The following RHOBTB1 variants were observed in gnomAD, a reference collection of about 807,000 sequenced individuals.
RHOBTB1 encodes the protein Rho related BTB domain containing 1, also known as rho-related BTB domain-containing protein 1.
Under a neutral mutation model 71.6 loss-of-function variants are expected in RHOBTB1, and 40 were observed. The ratio of observed to expected loss-of-function variants is 0.56; its 90% confidence interval spans 0.43 to 0.73. The LOEUF is 0.73. RHOBTB1 is among the 30% of genes least tolerant of loss of function. The probability of loss-of-function intolerance (pLI) is 0.00; values close to 1 mark genes in which losing one functional copy is unlikely to be tolerated. For synonymous variants in RHOBTB1, 319 were observed against 334.9 expected, an observed-to-expected ratio of 0.95 and a Z score of 0.52; for missense variants, 797 against 894.0, an observed-to-expected ratio of 0.89 and a Z score of 1.38.
At chr10:60,955,043 C>CTTTCTTTT (rs2085539210) in intron 2 of RHOBTB1, among the ~76,000 whole-genome samples, 1 of 112,838 alleles carries the variant, frequency 8.9e-6, no homozygotes, top group Admixed American at 1.0e-4. Flanking sequence ...TTCTTTCTTT[C>CTTTCTTTT]TTTTTTTTTT....
intron 2 of RHOBTB1, among the ~76,000 whole-genome samples, chr10:60,933,021 G>T (rs907079457): frequency 6.6e-6 from 1 of 152,194 alleles, no homozygotes; most frequent in Non-Finnish European, 1.5e-5. Flanking sequence ...TCATATGCTC[G>T]TTAGGACTAG....
chr10:60,957,109 C>T (rs1451177925), intron 2 of RHOBTB1, among the ~76,000 whole-genome samples: 6 of 152,192 alleles, frequency 3.9e-5, no homozygotes, highest in Non-Finnish European at 8.8e-5. Context: ...ACAATACCTT[C>T]TTCTGGAATA....
At chr10:60,880,202 T>TGAGAGAGAGAGAGAGAGA (rs71018931) in intron 7 of RHOBTB1, among the ~76,000 whole-genome samples, 2 of 126,934 alleles carry the variant, frequency 1.6e-5, no homozygotes, top group Non-Finnish European at 1.7e-5. Context: ...TGTGTGTGTG[T>TGAGAGAGAGAGAGAGAGA]GAGAGAGAGA....
intron 4 of RHOBTB1, among the ~76,000 whole-genome samples, chr10:60,907,207 T>C (rs2082722902): frequency 6.6e-6 from 1 of 152,232 alleles, no homozygotes. Flanking sequence ...TATGTCTTTA[T>C]TACCAGTGTA....
At chr10:60,910,823 CG>C in intron 4 of RHOBTB1, 63 bp downstream of exon 4, 1 of 1,205,016 alleles carries the variant, frequency 8.3e-7, no homozygotes, top group Admixed American at 1.7e-5. Context: ...TTTGTAAACC[CG>C]CTGCTGGTTT....
chr10:60,932,897 A>G (rs1207155229), intron 2 of RHOBTB1, among the ~76,000 whole-genome samples: 1 of 152,224 alleles, frequency 6.6e-6, no homozygotes, highest in Non-Finnish European at 1.5e-5. Flanking sequence ...ACTCACTGAA[A>G]GCATTCTCTA....
At chr10:60,950,102 G>A (rs2085361634) in intron 2 of RHOBTB1, among the ~76,000 whole-genome samples, 1 of 152,158 alleles carries the variant, frequency 6.6e-6, no homozygotes, top group Admixed American at 6.5e-5. Flanking sequence ...CACTGGTCTA[G>A]CTCAACATGC....
chr10:60,937,031 A>G (rs556028106), intron 2 of RHOBTB1, among the ~76,000 whole-genome samples: 1 of 152,238 alleles, frequency 6.6e-6, no homozygotes, highest in Non-Finnish European at 1.5e-5. Context: ...AATATAGTCT[A>G]TTCTAGGCCA....
chr10:60,928,686 G>C (rs192095409), intron 2 of RHOBTB1, among the ~76,000 whole-genome samples: 21 of 152,174 alleles, frequency 1.4e-4, no homozygotes, highest in African/African-American at 4.6e-4. Flanking sequence ...CAGTTACATA[G>C]AAGGAGTAAG....
chr10:60,943,753 T>C (rs2085058357), intron 1 of RHOBTB1, among the ~76,000 whole-genome samples: 1 of 151,876 alleles, frequency 6.6e-6, no homozygotes, highest in Admixed American at 6.5e-5. Flanking sequence ...TAGAAATCTC[T>C]TGTGCTTGCC....
Position 60,910,998 on chromosome 10 carries a change from A to T in RHOBTB1, c.193-8T>A. 6.3e-7 allele frequency: 1 copy of T among 1,588,578 alleles called. No homozygotes were observed. The highest frequency in any genetic ancestry group is 8.6e-7 in the Non-Finnish European group (1 of 1,158,802). The stretch of plus-strand genomic sequence containing the variant: ...CCGAGAACGCTCCAAGACCTGCAGG[A>T]GAGAGAGAGAGCATCTGTGCTCGGT... On this transcript the variant is annotated splice_region_variant and splice_polypyrimidine_tract_variant and intron_variant, in intron 3 of 10. Coordinates refer to ENST00000337910, the MANE Select transcript of RHOBTB1 (RefSeq NM_014836.5).
chr10:60,910,825 C>T, intron 4 of RHOBTB1, 62 bp downstream of exon 4: 1 of 1,227,640 alleles, frequency 8.1e-7, no homozygotes, highest in Non-Finnish European at 1.2e-6. Context: ...TGTAAACCCG[C>T]TGCTGGTTTT....
chr10:60,892,303 C>G (rs748581344), intron 5 of RHOBTB1, among the ~76,000 whole-genome samples: 2 of 151,958 alleles, frequency 1.3e-5, no homozygotes, highest in Non-Finnish European at 2.9e-5. Context: ...ACTATAGGTC[C>G]GAATGATTTT....
chr10:60,867,295 C>T (rs1346238356), downstream of RHOBTB1, among the ~76,000 whole-genome samples: 1 of 152,202 alleles, frequency 6.6e-6, no homozygotes, highest in Non-Finnish European at 1.5e-5. Flanking sequence ...TAAGAATAGT[C>T]AAACTTTGGT....
At chr10:60,869,003 T>C (rs1272696959), downstream of RHOBTB1, among the ~76,000 whole-genome samples, 3 of 152,254 alleles carry the variant, frequency 2.0e-5, no homozygotes, top group African/African-American at 7.2e-5. Flanking sequence ...TTGTATTACC[T>C]AGAAGTCCAG....
chr10:60,963,648 T>A (rs1235632798), intron 2 of RHOBTB1, among the ~76,000 whole-genome samples: 4 of 152,170 alleles, frequency 2.6e-5, no homozygotes, highest in African/African-American at 9.6e-5. Flanking sequence ...AGATCTGTGG[T>A]CCTCCAAAAG....
At chr10:60,875,605 G>A (rs1304657400) in intron 8 of RHOBTB1, among the ~76,000 whole-genome samples, 2 of 152,184 alleles carry the variant, frequency 1.3e-5, no homozygotes, top group African/African-American at 2.4e-5. Context: ...CCCTGATGGT[G>A]AAGAGGTTGA....
rs781178596 is a variant in RHOBTB1 at position 60,888,945 on chromosome 10, C to G, written c.723G>C (p.Pro241=). ...AAGGACACTCTGGAATTTTGATGAC[C>G]GGTGGAGGGGCTTTTGGAGGTAGGA... ...APFLPPKAPP[P]VIKIPECPSM... The change falls in exon 6 of 11, where the codon CCG becomes CCC. Residue 241 remains proline, a synonymous_variant. Transcript: ENST00000337910. The G allele has an allele frequency of 1.1e-5, 17 of 1,613,928 alleles. No homozygotes were observed. The highest frequency in any genetic ancestry group is 3.3e-5 in the Admixed American group (2 of 59,998).
rs1393515406 is a variant in RHOBTB1, at chr10:60,871,471, T to C, written c.*11A>G. 27 of 1,609,162 alleles carry C rather than the reference T, an allele frequency of 1.7e-5. No homozygotes were observed. The highest frequency in any genetic ancestry group is 2.3e-5 in the Non-Finnish European group (27 of 1,178,260). On this transcript the variant is annotated 3_prime_UTR_variant, in exon 11 of 11. Transcript: ENST00000337910. ...ATTGGTTTCTGTTTTTTGTTTTTTT[T>C]CTCTTCCTCTTCAGGCCACTGCTGG...
Sources: gnomAD v4.1 joint callset for allele counts (sites outside exome capture counted in the v4.1 genomes callset) on GRCh38, gnomAD v4.1.1 for gene constraint, MANE v1.5 for transcripts, NCBI Gene and HGNC (gene_info 2026-07-23, HGNC 2026-07-21) for gene names.